The following PRKCA variants were observed in gnomAD, a reference collection of about 807,000 sequenced individuals.
The protein encoded by PRKCA is protein kinase C alpha type.
A neutral mutation model predicts 87.0 loss-of-function variants in PRKCA; 27 were observed. The ratio of observed to expected loss-of-function variants is 0.31; its 90% CI spans 0.23 to 0.43. PRKCA has a LOEUF of 0.43. Ranked by LOEUF, PRKCA falls within the 20% of genes least tolerant of loss-of-function variation. The probability of loss-of-function intolerance (pLI) is 1.00; values close to 1 mark genes in which losing one functional copy is unlikely to be tolerated. For synonymous variants in PRKCA, 329 were observed against 311.1 expected (o/e 1.06, Z -0.61); for missense variants, 518 against 852.3 (o/e 0.61, Z 4.88).
chr17:66,731,351 G>GGAAA (rs548166884), intron 8 of PRKCA, among the ~76,000 whole-genome samples: 1 of 112,466 alleles, frequency 8.9e-6, no homozygotes, highest in African/African-American at 3.8e-5. Context: ...CTCCGTCTCA[G>GGAAA]AAAAAAAAAA....
At chr17:66,695,396 G>C (rs1293999140) in intron 8 of PRKCA, among the ~76,000 whole-genome samples, 1 of 152,160 alleles carries the variant, frequency 6.6e-6, no homozygotes, top group Admixed American at 6.5e-5. Context: ...CATTTTGATG[G>C]CTTTTAGCTG....
intron 2 of PRKCA, among the ~76,000 whole-genome samples, chr17:66,425,052 G>A (rs77776218): frequency 0.11 from 16,269 of 152,034 alleles, 1,200 homozygotes; most frequent in East Asian, 0.23. Flanking sequence ...ATGATCCACC[G>A]TGCCCAGCCT....
At chr17:66,407,677 C>T (rs1911496493) in intron 2 of PRKCA, among the ~76,000 whole-genome samples, 1 of 151,642 alleles carries the variant, frequency 6.6e-6, no homozygotes, top group Non-Finnish European at 1.5e-5. Flanking sequence ...TCATGTGATT[C>T]TGCTACTCTG....
At chr17:66,332,814 C>T (rs1006811087) in intron 2 of PRKCA, among the ~76,000 whole-genome samples, 11 of 151,932 alleles carry the variant, frequency 7.2e-5, no homozygotes, top group Non-Finnish European at 1.5e-4. Context: ...GCCTCAGCCT[C>T]CTGAGTAGCT....
rs534715073 is a variant in PRKCA, at chr17:66,302,786, C to T, written c.-66C>T. The T allele has an allele frequency of 1.2e-4, 161 of 1,390,314 alleles. No individual in the cohort carries two copies. In the African/African-American group the frequency reaches 2.1e-3, roughly 18 times the overall value. 86.1% of individuals were successfully genotyped at this position (1,390,314 alleles called of 1,614,324 possible). A position where few individuals can be genotyped will look rare whatever the true frequency, so the allele number is the denominator to read the frequency against. On this transcript the variant is annotated 5_prime_UTR_variant, in exon 1 of 17. Transcript: ENST00000413366. Reference sequence around the variant, plus strand: ...CGAGCCCGCACCTCTCCCCCGCCGCCCCCGCCCACCCGGCCCTCCGCGGCC... The same window carrying T: ...CGAGCCCGCACCTCTCCCCCGCCGCTCCCGCCCACCCGGCCCTCCGCGGCC...
chr17:66,500,472 A>G lies in PRKCA; in HGVS notation c.288+4189A>G, dbSNP rs532260946. ...CTTATTTTATCCTTTTCTGAATACC[A>G]TTTTTCTGCAAATCCCAGAAGTATT... On this transcript the variant is annotated intron_variant, in intron 3 of 16. Transcript: ENST00000413366. Among the ~76,000 whole-genome samples, 6 of 152,204 alleles carry G rather than the reference A, an allele frequency of 3.9e-5. No individual in the cohort carries two copies. The East Asian group carries it at 1.2e-3, about 29-fold the overall frequency.
rs781106215 is a variant in PRKCA at position 66,803,884 on chromosome 17, A to G, written c.1866A>G (p.Gly622=). The part of the protein sequence containing the change: ...PPFKPKVCGK[G]AENFDKFFTR... ...TCTTTTCTCCACAGTGTGGCAAAGG[A>G]GCAGAGAACTTTGACAAGTTCTTCA... The change falls in exon 17 of 17, where the codon GGA becomes GGG. Residue 622 remains glycine, a synonymous_variant. Transcript: ENST00000413366. The surrounding 1 kb of genome is among the most constrained non-coding windows in gnomAD (Gnocchi z 4.4). 19 of 1,613,612 alleles carry G rather than the reference A, an allele frequency of 1.2e-5. No homozygotes were observed. The African/African-American group carries it at 2.1e-4, about 18-fold the overall frequency.
At chr17:66,602,785 G>T (rs2143592296) in intron 3 of PRKCA, among the ~76,000 whole-genome samples, 1 of 152,252 alleles carries the variant, frequency 6.6e-6, no homozygotes, top group African/African-American at 2.4e-5. Context: ...AAGTATAAAG[G>T]GGTCCCTGAG....
intron 2 of PRKCA, among the ~76,000 whole-genome samples, chr17:66,353,571 C>T (rs920136979): frequency 5.3e-5 from 8 of 152,090 alleles, no homozygotes. Flanking sequence ...CAAAAATTAG[C>T]CGGGTGTGGT....
intron 3 of PRKCA, among the ~76,000 whole-genome samples, chr17:66,498,438 A>C (rs560287447): frequency 4.1e-4 from 63 of 152,192 alleles, no homozygotes; most frequent in South Asian, 1.2e-3. Context: ...GGCAGGCTTC[A>C]GGATGTGAGT....
chr17:66,562,172 A>G (rs540509560), intron 3 of PRKCA, among the ~76,000 whole-genome samples: 3 of 75,254 alleles, frequency 4.0e-5, no homozygotes, highest in African/African-American at 1.1e-4. Context: ...ATAATTAAAT[A>G]TATATAATTA....
At chr17:66,554,551 C>G (rs1032885098) in intron 3 of PRKCA, 2 of 965,816 alleles carry the variant, frequency 2.1e-6, no homozygotes, top group Admixed American at 1.2e-4. Context: ...TCTGCCTCTA[C>G]CTTTTGAGAT....
intron 2 of PRKCA, among the ~76,000 whole-genome samples, chr17:66,337,442 T>C (rs1282544302): frequency 6.6e-6 from 1 of 152,066 alleles, no homozygotes; most frequent in African/African-American, 2.4e-5. Flanking sequence ...CAGGCTGGAG[T>C]ACAGTGGCAT....
At position 66,688,956 on chromosome 17, in the gene PRKCA, A is replaced by C; in HGVS notation, c.827A>C (p.Lys276Thr). 1 of 1,594,448 alleles carries C rather than the reference A, an allele frequency of 6.3e-7. No individual in the cohort carries two copies. The highest frequency in any genetic ancestry group is 8.6e-7 in the Non-Finnish European group (1 of 1,164,004). ...LMKMPASGWY[K>T]LLNQEEGEYY... ...TCTTCTCCCGTCCTTGAAAGGTACA[A>C]GTTGCTTAACCAAGAAGAAGGTGAG... Residue 276 changes from lysine (K) to threonine (T), a missense_variant, in exon 8 of 17, where the codon AAG becomes ACG. Around this residue, in one of 5 missense-constraint regions of PRKCA, gnomAD observed 300 missense variants for 496.8 expected, o/e 0.60. Transcript: ENST00000413366.
chr17:66,456,689 A>G (rs1438274361), intron 2 of PRKCA, among the ~76,000 whole-genome samples: 5 of 152,200 alleles, frequency 3.3e-5, no homozygotes, highest in East Asian at 1.9e-4. Context: ...AGTGAATGAA[A>G]TAGATGGCAG....
chr17:66,446,990 C>G (rs1914067145), intron 2 of PRKCA, among the ~76,000 whole-genome samples: 1 of 152,198 alleles, frequency 6.6e-6, no homozygotes, highest in Non-Finnish European at 1.5e-5. Flanking sequence ...GTTCAAATCC[C>G]TTTTCACACC....
chr17:66,765,445 T>TATAG (rs1169253122), intron 13 of PRKCA, among the ~76,000 whole-genome samples: 3 of 139,560 alleles, frequency 2.1e-5, no homozygotes, highest in East Asian at 4.0e-4. Flanking sequence ...TATATATATA[T>TATAG]ATATATATAT....
chr17:66,688,425 G>A lies in PRKCA; in HGVS notation c.810G>A (p.Pro270=), dbSNP rs367579448. Residue 270 remains proline, a synonymous_variant, in exon 7 of 17, where the codon CCG becomes CCA. Transcript: ENST00000413366. The part of the protein sequence containing the change: ...SFGVSELMKM[P]ASGWYKLLNQ... ...GAGTTTCGGAGCTGATGAAGATGCC[G>A]GCCAGTGGATGGTATGGAAGCCGCT... The A allele has an allele frequency of 2.0e-5, 32 of 1,613,968 alleles. No individual in the cohort carries two copies. Among genetic ancestry groups the A allele is most frequent in the African/African-American group, 1.7e-4 (13 of 74,900 alleles).
intron 2 of PRKCA, among the ~76,000 whole-genome samples, chr17:66,405,719 T>A (rs4411530): frequency 0.58 from 88,487 of 151,942 alleles, 26,228 homozygotes; most frequent in Non-Finnish European, 0.65. Context: ...CCTTTACACG[T>A]AAAATTAATC....
Sources: allele counts gnomAD v4.1 joint callset (sites outside exome capture counted in the v4.1 genomes callset), GRCh38; gene constraint gnomAD v4.1.1; regional missense constraint gnomAD v4.1.1; non-coding constraint Gnocchi (gnomAD v3.1); transcripts MANE v1.5; gene names NCBI Gene and HGNC (gene_info 2026-07-23, HGNC 2026-07-21).